The following ERI1 variants were observed in gnomAD, a reference collection of about 807,000 sequenced individuals.
ERI1 encodes exoribonuclease 1, also known as 3'-5' exoribonuclease 1.
Under a neutral mutation model 39.7 loss-of-function variants are expected in ERI1, and 39 were observed. That is an observed-to-expected ratio of 0.98 (90% confidence interval 0.76 to 1.28). The LOEUF is 1.28. Ranked by LOEUF, ERI1 falls within the 50% of genes most tolerant of loss-of-function variation. The pLI, the probability that ERI1 is intolerant of heterozygous loss-of-function variation, is 0.00. For synonymous variants in ERI1, 204 were observed against 149.6 expected, an observed-to-expected ratio of 1.36 and a Z score of -2.65; for missense variants, 581 against 416.9, an observed-to-expected ratio of 1.39 and a Z score of -3.43.
At chr8:9,066,520 T>G (rs912744887) in intron 3 of ERI1, among the ~76,000 whole-genome samples, 3 of 152,216 alleles carry the variant, frequency 2.0e-5, no homozygotes, top group Admixed American at 6.5e-5. Context: ...TGTGTTCACC[T>G]GGCCTTTGGG....
At chr8:9,064,207 G>A (rs972565134) in intron 3 of ERI1, among the ~76,000 whole-genome samples, 32 of 141,822 alleles carry the variant, frequency 2.3e-4, no homozygotes, top group African/African-American at 7.7e-4. Flanking sequence ...CTAGAGAAGC[G>A]ATACTTGCCG....
rs955539590 is a variant in ERI1 at position 9,030,992 on chromosome 8, A to C, written c.*958A>C. 1 of 152,192 alleles carries C rather than the reference A, an allele frequency of 6.6e-6. No individual in the cohort carries two copies. Among genetic ancestry groups the C allele is most frequent in the Non-Finnish European group, 1.5e-5 (1 of 68,028 alleles). 9.4% of individuals were successfully genotyped at this position (152,192 alleles called of 1,614,324 possible). A position where few individuals can be genotyped will look rare whatever the true frequency, so the allele number is the denominator to read the frequency against. On this transcript the variant is annotated 3_prime_UTR_variant, in exon 7 of 7. Coordinates refer to ENST00000250263, the MANE Select transcript of ERI1 (RefSeq NM_153332.4). Reference sequence around the variant, plus strand: ...CTTGTTTTTCTGATTTTACATAGTAAATGGCTGCTAAGTATTGAGTAATTC... The same window carrying C: ...CTTGTTTTTCTGATTTTACATAGTACATGGCTGCTAAGTATTGAGTAATTC...
At chr8:9,037,732 C>CT (rs1179840387), downstream of ERI1, among the ~76,000 whole-genome samples, 1 of 152,066 alleles carries the variant, frequency 6.6e-6, no homozygotes, top group Non-Finnish European at 1.5e-5. Flanking sequence ...GAGCTATCCC[C>CT]TTTCCTTTTA....
intron 3 of ERI1, among the ~76,000 whole-genome samples, chr8:9,088,852 C>T (rs187450121): frequency 4.2e-4 from 64 of 152,324 alleles, no homozygotes; most frequent in African/African-American, 1.5e-3. Context: ...CAATGAGTGT[C>T]TCTGCAGAAC....
At chr8:9,057,573 A>T (rs1798548212) in intron 3 of ERI1, among the ~76,000 whole-genome samples, 2 of 152,306 alleles carry the variant, frequency 1.3e-5, no homozygotes, top group African/African-American at 4.8e-5. Context: ...CATATTTTTT[A>T]TGGGCCCTTT....
At chr8:9,059,983 A>G (rs1798639505) in intron 3 of ERI1, among the ~76,000 whole-genome samples, 1 of 152,222 alleles carries the variant, frequency 6.6e-6, no homozygotes, top group Non-Finnish European at 1.5e-5. Context: ...TGTACCCTGT[A>G]GCATTCCGAG....
rs34911286 is a variant in ERI1 at position 9,029,857 on chromosome 8, G to T, written c.873G>T (p.Arg291=). 3 of 1,614,140 alleles carry T rather than the reference G, an allele frequency of 1.9e-6. No homozygotes were observed. The highest frequency in any genetic ancestry group is 1.3e-5 in the African/African-American group (1 of 75,014). ...AATTAGGAATGGATTATGATGGGCG[G>T]CCTCACTGTGGTCTTGATGACTCTA... The part of the protein sequence containing the change: ...LEKLGMDYDG[R]PHCGLDDSKN... Residue 291 remains arginine, a synonymous_variant, in exon 7 of 7, where the codon CGG becomes CGT. Transcript: ENST00000250263.
At chr8:9,095,872 C>T (rs188697176) in intron 3 of ERI1, among the ~76,000 whole-genome samples, 52 of 152,106 alleles carry the variant, frequency 3.4e-4, no homozygotes, top group Admixed American at 1.8e-3. Context: ...AGGGGTGGGT[C>T]GGGGGGCAAG....
At chr8:9,095,547 C>G (rs764762411) in intron 3 of ERI1, among the ~76,000 whole-genome samples, 1 of 151,814 alleles carries the variant, frequency 6.6e-6, no homozygotes, top group Non-Finnish European at 1.5e-5. Flanking sequence ...ACTCTGAAAC[C>G]CAGGCTGGAG....
At chr8:9,057,922 G>A (rs1464452394) in intron 3 of ERI1, among the ~76,000 whole-genome samples, 3 of 152,176 alleles carry the variant, frequency 2.0e-5, no homozygotes, top group Admixed American at 6.5e-5. Context: ...AACGGGGCAA[G>A]CAATCGGAGT....
At chr8:9,087,967 T>C (rs1252037851) in intron 3 of ERI1, among the ~76,000 whole-genome samples, 1 of 152,232 alleles carries the variant, frequency 6.6e-6, no homozygotes, top group Non-Finnish European at 1.5e-5. Context: ...CTGGGTCCAG[T>C]TGATCATCAC....
At chr8:9,007,502 T>C (rs998481350) in intron 1 of ERI1, among the ~76,000 whole-genome samples, 3 of 152,226 alleles carry the variant, frequency 2.0e-5, no homozygotes, top group Non-Finnish European at 2.9e-5. Context: ...CATTTATTAA[T>C]AGCTACTGTG....
intron 3 of ERI1, among the ~76,000 whole-genome samples, chr8:9,058,866 T>G (rs111525406): frequency 0.11 from 15,744 of 147,102 alleles, 1,081 homozygotes; most frequent in Non-Finnish European, 0.16. Flanking sequence ...AATAAATAAA[T>G]AAATCTTTTA....
chr8:9,012,101 A>G (rs1168335293), intron 3 of ERI1, among the ~76,000 whole-genome samples: 2 of 152,174 alleles, frequency 1.3e-5, no homozygotes, highest in African/African-American at 4.8e-5. Context: ...GTTCTCTGAT[A>G]GGGCCTCTGA....
At chr8:9,082,183 G>C (rs1799391987) in intron 3 of ERI1, among the ~76,000 whole-genome samples, 1 of 152,222 alleles carries the variant, frequency 6.6e-6, no homozygotes, top group Non-Finnish European at 1.5e-5. Flanking sequence ...GCCTGGTTTA[G>C]AGGGGAAGGA....
chr8:9,058,058 T>C (rs1183753365), intron 3 of ERI1, among the ~76,000 whole-genome samples: 1 of 152,172 alleles, frequency 6.6e-6, no homozygotes, highest in Non-Finnish European at 1.5e-5. Context: ...ACAAGAGTGA[T>C]GAGATCTGTC....
intron 3 of ERI1, among the ~76,000 whole-genome samples, chr8:9,074,344 T>C (rs1197007966): frequency 1.3e-5 from 2 of 151,386 alleles, no homozygotes; most frequent in African/African-American, 4.9e-5. Flanking sequence ...CTCCTGACCT[T>C]GAACTCCTGA....
intron 1 of ERI1, among the ~76,000 whole-genome samples, chr8:9,006,306 G>T (rs1816015751): frequency 6.6e-6 from 1 of 152,136 alleles, no homozygotes; most frequent in South Asian, 2.1e-4. Context: ...ACCTAGGAAA[G>T]GAAGCAAATT....
At chr8:9,033,739 T>G (rs1465460819), downstream of ERI1, among the ~76,000 whole-genome samples, 2 of 152,218 alleles carry the variant, frequency 1.3e-5, no homozygotes, top group Non-Finnish European at 2.9e-5. Context: ...AGCTGTAGAT[T>G]CTGGCAGTAT....
Sources: gnomAD v4.1 joint callset for allele counts (sites outside exome capture counted in the v4.1 genomes callset) on GRCh38, gnomAD v4.1.1 for gene constraint, MANE v1.5 for transcripts, NCBI Gene and HGNC (gene_info 2026-07-23, HGNC 2026-07-21) for gene names.